The following PIGK variants were observed in gnomAD, a reference collection of about 807,000 sequenced individuals.
PIGK encodes phosphatidylinositol glycan anchor biosynthesis class K.
Under a neutral mutation model 50.6 loss-of-function variants are expected in PIGK, and 42 were observed. The observed-to-expected ratio is 0.83, with a 90% CI of 0.65 to 1.07. The LOEUF is 1.07. Ranked by LOEUF, PIGK falls within the 50% of genes least tolerant of loss-of-function variation. PIGK has a pLI of 0.00. For missense variants in PIGK, 448 were observed against 488.7 expected, an observed-to-expected ratio of 0.92 and a Z score of 0.78; for synonymous variants, 151 against 156.0, an observed-to-expected ratio of 0.97 and a Z score of 0.24.
At chr1:77,180,504 T>A (rs1655586903) in intron 3 of PIGK, among the ~76,000 whole-genome samples, 1 of 151,994 alleles carries the variant, frequency 6.6e-6, no homozygotes, top group Non-Finnish European at 1.5e-5. Flanking sequence ...ATGAGACAGG[T>A]CTCAGTCAGT....
intron 3 of PIGK, among the ~76,000 whole-genome samples, chr1:77,178,654 G>C (rs919593282): frequency 6.6e-6 from 1 of 152,098 alleles, no homozygotes; most frequent in African/African-American, 2.4e-5. Flanking sequence ...TTGGTTTATG[G>C]GGACCCTGGG....
intron 10 of PIGK, among the ~76,000 whole-genome samples, chr1:77,115,829 G>T (rs1653948675): frequency 6.6e-6 from 1 of 152,242 alleles, no homozygotes; most frequent in Non-Finnish European, 1.5e-5. Flanking sequence ...ATAGTAAGGT[G>T]ATACTGTACC....
intron 10 of PIGK, among the ~76,000 whole-genome samples, chr1:77,111,598 G>A (rs906103051): frequency 6.7e-6 from 1 of 149,378 alleles, no homozygotes; most frequent in Non-Finnish European, 1.5e-5. Context: ...CACACACTGG[G>A]GCCTGTTGTG....
chr1:77,138,844 C>G (rs1037887901), intron 9 of PIGK, among the ~76,000 whole-genome samples: 6 of 152,104 alleles, frequency 3.9e-5, no homozygotes, highest in Non-Finnish European at 8.8e-5. Flanking sequence ...AGTATCACTT[C>G]AACTGAATTG....
At chr1:77,094,199 AT>A (rs1274110082) in intron 10 of PIGK, among the ~76,000 whole-genome samples, 1 of 152,284 alleles carries the variant, frequency 6.6e-6, no homozygotes, top group Non-Finnish European at 1.5e-5. Context: ...GTGGAAGCAC[AT>A]TTTATACAAC....
rs1170307790 is a variant in PIGK, at chr1:77,092,478, T to C, written c.1084A>G (p.Lys362Glu). 55 of 1,570,032 alleles carry C rather than the reference T, an allele frequency of 3.5e-5. No individual in the cohort carries two copies. The highest frequency in any genetic ancestry group is 4.4e-5 in the Non-Finnish European group (51 of 1,148,244). The change falls in exon 11 of 11, where the codon AAA becomes GAA. Residue 362 changes from lysine to glutamate, a missense_variant. Lys to Glu is a moderately conservative substitution (Grantham distance 56, BLOSUM62 1). Coordinates refer to ENST00000370812, the MANE Select transcript of PIGK (RefSeq NM_005482.3). ...AQIIHQKPKL[K>E]DWHPPGGFIL... Reference sequence around the variant, plus strand: ...AAGCCCCCAGGAGGATGCCAGTCTTTCAGCTTCGGTTTCTGCAAAACAAGA... The same window carrying C: ...AAGCCCCCAGGAGGATGCCAGTCTTCCAGCTTCGGTTTCTGCAAAACAAGA...
chr1:77,171,121 A>G (rs1655349148), intron 3 of PIGK, among the ~76,000 whole-genome samples: 1 of 152,084 alleles, frequency 6.6e-6, no homozygotes, highest in Non-Finnish European at 1.5e-5. Context: ...GACTGAATTG[A>G]CCTCCAAATG....
intron 3 of PIGK, among the ~76,000 whole-genome samples, chr1:77,202,555 C>CA (rs1293320754): frequency 6.6e-6 from 1 of 152,152 alleles, no homozygotes; most frequent in East Asian, 1.9e-4. Flanking sequence ...GATTTGGAAT[C>CA]AGACTGCAAA....
chr1:77,176,111 G>C (rs1655483317), intron 3 of PIGK, among the ~76,000 whole-genome samples: 2 of 152,092 alleles, frequency 1.3e-5, no homozygotes, highest in South Asian at 4.1e-4. Flanking sequence ...ATGAGTAAAA[G>C]GTTTTTGCCT....
Position 77,206,637 on chromosome 1 carries a change from T to G in PIGK, c.239+3A>C. 1.3e-6 allele frequency: 2 copies of G among 1,535,420 alleles called. No homozygotes were observed. The highest frequency in any genetic ancestry group is 1.8e-6 in the Non-Finnish European group (2 of 1,108,872). Reference sequence around the variant, plus strand: ...AAGGTTAAGCTTTATTAAGGCTTCTTACCTGTCAGGAATACCTAGCCTCTT... The same window carrying G: ...AAGGTTAAGCTTTATTAAGGCTTCTGACCTGTCAGGAATACCTAGCCTCTT... On this transcript the variant is annotated splice_donor_region_variant and intron_variant, in intron 3 of 10. Coordinates refer to ENST00000370812, the MANE Select transcript of PIGK (RefSeq NM_005482.3).
At chr1:77,108,787 T>G (rs1033532088) in intron 10 of PIGK, among the ~76,000 whole-genome samples, 17 of 152,188 alleles carry the variant, frequency 1.1e-4, no homozygotes, top group African/African-American at 4.1e-4. Flanking sequence ...GCTTTGTTCA[T>G]TTCTTTCTAT....
intron 3 of PIGK, chr1:77,195,462 A>C: frequency 1.1e-6 from 1 of 882,630 alleles, no homozygotes; most frequent in Non-Finnish European, 1.7e-6. Flanking sequence ...AAATAGTTTG[A>C]CTCAGAAAAA....
intron 10 of PIGK, among the ~76,000 whole-genome samples, chr1:77,102,710 T>C (rs1174847207): frequency 6.6e-6 from 1 of 152,212 alleles, no homozygotes; most frequent in Non-Finnish European, 1.5e-5. Context: ...TTTCGGTAAT[T>C]TGTTACAGCA....
intron 9 of PIGK, among the ~76,000 whole-genome samples, chr1:77,125,610 A>C (rs750336167): frequency 4.6e-5 from 7 of 152,126 alleles, no homozygotes; most frequent in Non-Finnish European, 7.4e-5. Context: ...TTTTTAAATT[A>C]CTAATTTATT....
intron 2 of PIGK, among the ~76,000 whole-genome samples, chr1:77,209,643 C>G (rs1226700491): frequency 6.6e-6 from 1 of 152,062 alleles, no homozygotes; most frequent in East Asian, 1.9e-4. Context: ...GAATGTTCAA[C>G]ACAGCCCTGT....
At chr1:77,159,966 G>A (rs1441730781) in intron 8 of PIGK, among the ~76,000 whole-genome samples, 1 of 152,126 alleles carries the variant, frequency 6.6e-6, no homozygotes, top group African/African-American at 2.4e-5. Flanking sequence ...AGCTCTGGGA[G>A]GGGCCAGAGG....
In PIGK at chr1:77,163,840, A is replaced by G. The variant is rs752596154; in HGVS notation, c.584+6T>C. ...AGCTTATGAAAAGAAGTAATTTGCTAATTACCGTCTTTTCTGCCACATTTG... is the reference window on the plus strand; with the variant it reads ...AGCTTATGAAAAGAAGTAATTTGCTGATTACCGTCTTTTCTGCCACATTTG... On this transcript the variant is annotated splice_donor_region_variant and intron_variant, in intron 6 of 10. Coordinates refer to ENST00000370812, the MANE Select transcript of PIGK (RefSeq NM_005482.3). 2 of 1,525,146 alleles carry G rather than the reference A, an allele frequency of 1.3e-6. No homozygotes were observed. Among genetic ancestry groups the G allele is most frequent in the South Asian group, 2.3e-5 (2 of 87,750 alleles). 94.5% of individuals were successfully genotyped at this position (1,525,146 alleles called of 1,614,324 possible). A position where few individuals can be genotyped will look rare whatever the true frequency, so the allele number is the denominator to read the frequency against.
At chr1:77,164,886 C>T (rs543386097) in intron 5 of PIGK, among the ~76,000 whole-genome samples, 20 of 152,222 alleles carry the variant, frequency 1.3e-4, no homozygotes, top group Admixed American at 1.0e-3. Flanking sequence ...ACTATGCCTC[C>T]ATAAATATTA....
chr1:77,129,783 A>G (rs1654326464), intron 9 of PIGK: 1 of 517,706 alleles, frequency 1.9e-6, no homozygotes, highest in Non-Finnish European at 3.0e-6. Context: ...CAACCTATAC[A>G]TTAGAATAAT....
Sources: gnomAD v4.1 joint callset for allele counts (sites outside exome capture counted in the v4.1 genomes callset) on GRCh38, gnomAD v4.1.1 for gene constraint, MANE v1.5 for transcripts, NCBI Gene and HGNC (gene_info 2026-07-23, HGNC 2026-07-21) for gene names.